The following FHIP2A variants were observed in gnomAD, a reference collection of about 807,000 sequenced individuals.
The protein encoded by FHIP2A is FHF complex subunit HOOK interacting protein 2A.
Under a neutral mutation model 93.5 loss-of-function variants are expected in FHIP2A, and 46 were observed. The ratio of observed to expected loss-of-function variants is 0.49; its 90% CI spans 0.39 to 0.63. The LOEUF (loss-of-function observed/expected upper bound fraction) is 0.63, where lower values mean the gene tolerates loss of function less well. Ranked by LOEUF, FHIP2A falls within the 20% of genes least tolerant of loss-of-function variation. The probability of loss-of-function intolerance (pLI) is 0.00; values close to 1 mark genes in which losing one functional copy is unlikely to be tolerated. For missense variants in FHIP2A, 769 were observed against 909.7 expected (o/e 0.85, Z 1.99); for synonymous variants, 332 against 326.5 (o/e 1.02, Z -0.18).
chr10:114,847,075 T>C lies in FHIP2A; in HGVS notation c.1569-15T>C. 4 of 1,589,476 alleles carry C rather than the reference T, an allele frequency of 2.5e-6. No homozygotes were observed. The highest frequency in any genetic ancestry group is 3.4e-6 in the Non-Finnish European group (4 of 1,166,536). ...ATAAAATAGTGCTTTTTATGTGTCA[T>C]TAAATTTAACTTAGAGATCTGGAAG... On this transcript the variant is annotated splice_polypyrimidine_tract_variant and intron_variant, in intron 11 of 16. Coordinates refer to ENST00000369248, the MANE Select transcript of FHIP2A (RefSeq NM_020940.4).
At position 114,843,786 on chromosome 10, in the gene FHIP2A, G is replaced by GT; in HGVS notation, c.863dup (p.Ser289LysfsTer19). The GT allele has an allele frequency of 6.3e-7, 1 of 1,583,958 alleles. No homozygotes were observed. The highest frequency in any genetic ancestry group is 8.5e-7 in the Non-Finnish European group (1 of 1,171,546). On this transcript the variant is annotated frameshift_variant, in exon 7 of 17. Transcript: ENST00000369248. LOFTEE classifies it high-confidence loss of function. ...GGCATGTGAAGGCTTGATGCTGTTA[G>GT]TAAGTTTGCCAGAGCCTGCGGCTGC...
In FHIP2A at chr10:114,846,226, G is replaced by T; in HGVS notation, c.1257G>T (p.Arg419=). The part of the protein sequence containing the change: ...TSTALLHRIV[R]QVTSDVLLQE... Reference sequence around the variant, plus strand: ...CTGCTCTGCTTCATCGCATCGTTCGGCAAGTGACCTCTGATGTTTTGCTTC... The same window carrying T: ...CTGCTCTGCTTCATCGCATCGTTCGTCAAGTGACCTCTGATGTTTTGCTTC... Residue 419 remains arginine, a synonymous_variant, in exon 10 of 17, where the codon CGG becomes CGT. Transcript: ENST00000369248. 1 of 1,614,166 alleles carries T rather than the reference G, an allele frequency of 6.2e-7. No homozygotes were observed. The highest frequency in any genetic ancestry group is 1.3e-5 in the African/African-American group (1 of 75,048).
intron 5 of FHIP2A, among the ~76,000 whole-genome samples, chr10:114,838,179 G>A (rs1460202883): frequency 6.6e-6 from 1 of 152,152 alleles, no homozygotes. Context: ...ACTGGATGTT[G>A]TTAGGTCTTT....
intron 16 of FHIP2A, among the ~76,000 whole-genome samples, chr10:114,873,707 G>A (rs1208630314): frequency 1.3e-5 from 2 of 152,118 alleles, no homozygotes; most frequent in African/African-American, 2.4e-5. Flanking sequence ...TGCTCAAATT[G>A]TTCCAGCTTT....
In FHIP2A at chr10:114,863,765, G is replaced by A; in HGVS notation, c.*2225G>A. The A allele has an allele frequency of 1.6e-6, 2 of 1,270,090 alleles. No homozygotes were observed. The highest frequency in any genetic ancestry group is 2.0e-6 in the Non-Finnish European group (2 of 976,470). The allele number at this position is 1,270,090 out of a possible 1,614,324, so 78.7% of individuals were successfully genotyped here. Reference sequence around the variant, plus strand: ...GACAGCTGAATATTTCTGTTACTCAGTACTTGCAAAAACAGTAACTAAAAT... The same window carrying A: ...GACAGCTGAATATTTCTGTTACTCAATACTTGCAAAAACAGTAACTAAAAT... On this transcript the variant is annotated 3_prime_UTR_variant, in exon 17 of 17. Transcript: ENST00000369248.
intron 7 of FHIP2A, 27 bp downstream of exon 7, chr10:114,843,964 A>C: frequency 6.6e-7 from 1 of 1,512,266 alleles, no homozygotes. Context: ...GTATTTTCCC[A>C]TAAAGGTGAC....
intron 16 of FHIP2A, among the ~76,000 whole-genome samples, chr10:114,887,038 A>C (rs1028939293): frequency 6.6e-6 from 1 of 152,142 alleles, no homozygotes; most frequent in Non-Finnish European, 1.5e-5. Flanking sequence ...TGTCTGTCCA[A>C]CTCAAAGGCC....
chr10:114,862,937 C>T lies in FHIP2A; in HGVS notation c.*1397C>T. ...ATGTTTGCATATACGCATTGTGTGGCATGTGCATAGAGGCTTGTTTTACAC... is the reference window on the plus strand; with the variant it reads ...ATGTTTGCATATACGCATTGTGTGGTATGTGCATAGAGGCTTGTTTTACAC... On this transcript the variant is annotated 3_prime_UTR_variant, in exon 17 of 17. Coordinates refer to ENST00000369248, the MANE Select transcript of FHIP2A (RefSeq NM_020940.4). 1.0e-6 allele frequency: 1 copy of T among 985,404 alleles called. No individual in the cohort carries two copies. Among genetic ancestry groups the T allele is most frequent in the Non-Finnish European group, 1.2e-6 (1 of 829,914 alleles). The allele number at this position is 985,404 out of a possible 1,614,324, so 61.0% of individuals were successfully genotyped here. A position where few individuals can be genotyped will look rare whatever the true frequency, so the allele number is the denominator to read the frequency against.
downstream of FHIP2A, among the ~76,000 whole-genome samples, chr10:114,869,475 TTAGAAAA>T (rs1216048179): frequency 2.0e-5 from 3 of 152,192 alleles, no homozygotes; most frequent in Non-Finnish European, 4.4e-5. Flanking sequence ...TTAGAAATGA[TTAGAAAA>T]TAGACCATCA....
At position 114,836,153 on chromosome 10, in the gene FHIP2A, A is replaced by G. The variant is rs751550246; in HGVS notation, c.429A>G (p.Leu143=). ...TAATTAGACTCTGTGGTGAAGTCCT[A>G]GCAACACCAACAGAAAATGAAGAGA... ...QKLIRLCGEV[L]ATPTENEEIQ... is the part of the protein sequence containing the mutation. The change falls in exon 5 of 17, where the codon CTA becomes CTG. Residue 143 remains leucine (L), a synonymous_variant. Coordinates refer to ENST00000369248, the MANE Select transcript of FHIP2A (RefSeq NM_020940.4). 20 of 1,601,126 alleles carry G rather than the reference A, an allele frequency of 1.2e-5. No homozygotes were observed. The South Asian group carries it at 1.8e-4, about 14-fold the overall frequency.
rs949975833 is a variant in FHIP2A, at chr10:114,863,704, A to G, written c.*2164A>G. 5.4e-6 allele frequency: 7 copies of G among 1,301,206 alleles called. No homozygotes were observed. The African/African-American group carries it at 6.1e-5, about 11-fold the overall frequency. The allele number at this position is 1,301,206 out of a possible 1,614,324, so 80.6% of individuals were successfully genotyped here. Reference sequence around the variant, plus strand: ...AGTGAGTTCAATTTGTTAGTGAAACATTGTACTGCATCACCAGTTTTTCTT... The same window carrying G: ...AGTGAGTTCAATTTGTTAGTGAAACGTTGTACTGCATCACCAGTTTTTCTT... On this transcript the variant is annotated 3_prime_UTR_variant, in exon 17 of 17. Coordinates refer to ENST00000369248, the MANE Select transcript of FHIP2A (RefSeq NM_020940.4).
chr10:114,861,092 T>C, intron 15 of FHIP2A, 139 bp from the exon 16 acceptor site: 1 of 1,147,980 alleles, frequency 8.7e-7, no homozygotes, highest in Non-Finnish European at 1.2e-6. Context: ...TATGAGTCCT[T>C]GGTTAAAGAT....
At chr10:114,881,521 A>C (rs1202791793) in intron 16 of FHIP2A, among the ~76,000 whole-genome samples, 1 of 152,094 alleles carries the variant, frequency 6.6e-6, no homozygotes, top group Non-Finnish European at 1.5e-5. Context: ...GCCAGTAGGA[A>C]ACTTGTCTGG....
chr10:114,826,661 T>C lies in FHIP2A; in HGVS notation c.46-4191T>C, dbSNP rs536823005. On this transcript the variant is annotated intron_variant, in intron 1 of 16. Transcript: ENST00000369248. ...AGAGAGGCAGAGAAGATGGGGAAGGTCACTAGGAAAGCCAGGGGCAGAAAG... is the reference window on the plus strand; with the variant it reads ...AGAGAGGCAGAGAAGATGGGGAAGGCCACTAGGAAAGCCAGGGGCAGAAAG... 2.6e-5 allele frequency among the ~76,000 whole-genome samples: 4 copies of C among 152,088 alleles called. No homozygotes were observed. The East Asian group carries it at 7.7e-4, about 29-fold the overall frequency.
At chr10:114,834,704 C>G (rs1193681853) in intron 3 of FHIP2A, among the ~76,000 whole-genome samples, 1 of 152,060 alleles carries the variant, frequency 6.6e-6, no homozygotes, top group Non-Finnish European at 1.5e-5. Context: ...TGGCATGTTA[C>G]AAAAACTAAT....
downstream of FHIP2A, among the ~76,000 whole-genome samples, chr10:114,867,186 G>A (rs1368059653): frequency 1.3e-5 from 2 of 148,674 alleles, no homozygotes; most frequent in Admixed American, 6.7e-5. Flanking sequence ...TCCAGTCTGG[G>A]CAACAGAGTG....
intron 14 of FHIP2A, among the ~76,000 whole-genome samples, chr10:114,857,382 C>T (rs1337974242): frequency 6.8e-6 from 1 of 147,350 alleles, no homozygotes; most frequent in African/African-American, 2.5e-5. Context: ...GTGATCTTGG[C>T]TCATTGCAAC....
intron 8 of FHIP2A, 55 bp from the exon 9 acceptor site, chr10:114,845,958 A>C: frequency 7.4e-7 from 1 of 1,356,746 alleles, no homozygotes; most frequent in Admixed American, 2.0e-5. Context: ...TTGATGTTAC[A>C]AATTAGTCTT....
At chr10:114,865,807 C>CA (rs59793424), downstream of FHIP2A, among the ~76,000 whole-genome samples, 67,593 of 141,304 alleles carry the variant, frequency 0.48, 15,474 homozygotes, top group African/African-American at 0.51. Flanking sequence ...TACCTCTTTT[C>CA]AAAAAAAAAA....
Sources: allele counts gnomAD v4.1 joint callset (sites outside exome capture counted in the v4.1 genomes callset), GRCh38; gene constraint gnomAD v4.1.1; transcripts MANE v1.5; gene names NCBI Gene and HGNC (gene_info 2026-07-23, HGNC 2026-07-21).